Variants in FBXL13 observed in about 807,000 individuals in gnomAD.
FBXL13 encodes F-box and leucine rich repeat protein 13, also known as F-box and leucine-rich repeat protein 13.
Under a neutral mutation model 83.6 loss-of-function variants are expected in FBXL13, and 67 were observed. The observed-to-expected ratio is 0.80, with a 90% confidence interval of 0.66 to 0.98. FBXL13 has a LOEUF of 0.98. Among genes scored for constraint, FBXL13 ranks in the 50% least tolerant of loss-of-function variants. FBXL13 has a pLI of 0.00. For synonymous variants in FBXL13, 272 were observed against 299.5 expected (o/e 0.91, Z 0.95); for missense variants, 822 against 866.5 (o/e 0.95, Z 0.64).
chr7:102,960,867 C>A (rs1246905962), intron 8 of FBXL13, among the ~76,000 whole-genome samples: 1 of 151,922 alleles, frequency 6.6e-6, no homozygotes, highest in Admixed American at 6.6e-5. Flanking sequence ...GACAAACCCA[C>A]AGCCAATATC....
At chr7:102,976,438 G>C (rs970197504) in intron 6 of FBXL13, among the ~76,000 whole-genome samples, 6 of 151,726 alleles carry the variant, frequency 4.0e-5, no homozygotes, top group African/African-American at 1.5e-4. Flanking sequence ...GCCCAACTCC[G>C]CTCCAAGGCA....
At chr7:102,974,195 C>A (rs1827148208) in intron 6 of FBXL13, among the ~76,000 whole-genome samples, 3 of 152,130 alleles carry the variant, frequency 2.0e-5, no homozygotes, top group African/African-American at 7.2e-5. Context: ...TCAAGACTAT[C>A]CTGGCTAACA....
intron 6 of FBXL13, among the ~76,000 whole-genome samples, chr7:103,015,517 G>A (rs925822378): frequency 2.4e-4 from 36 of 152,142 alleles, no homozygotes; most frequent in African/African-American, 8.0e-4. Context: ...CACTGTACTA[G>A]CTGTGCACAG....
chr7:103,069,821 G>T (rs1324622591), intron 1 of FBXL13, among the ~76,000 whole-genome samples: 1 of 152,238 alleles, frequency 6.6e-6, no homozygotes, highest in Non-Finnish European at 1.5e-5. Flanking sequence ...GCCCACGCCT[G>T]TAATCCCAGC....
At chr7:102,980,923 C>CTT (rs10650430) in intron 6 of FBXL13, among the ~76,000 whole-genome samples, 151,527 of 152,324 alleles carry the variant, frequency 0.99, 75,375 homozygotes, top group Middle Eastern at 1. Flanking sequence ...AAATGAAAAC[C>CTT]TTGTGTGTCA....
chr7:103,047,108 T>C (rs1796355406), intron 2 of FBXL13: 1 of 152,204 alleles, frequency 6.6e-6, no homozygotes, highest in Non-Finnish European at 1.5e-5. Context: ...TTTATAAATG[T>C]TTAAATGACC....
chr7:102,826,212 C>A (rs1479373086), intron 18 of FBXL13, among the ~76,000 whole-genome samples: 21 of 151,998 alleles, frequency 1.4e-4, no homozygotes, highest in Admixed American at 1.4e-3. Flanking sequence ...TGGTGACGAT[C>A]CCAAGAAAAA....
At chr7:103,043,559 C>T (rs149516323) in intron 2 of FBXL13, among the ~76,000 whole-genome samples, 10 of 152,290 alleles carry the variant, frequency 6.6e-5, no homozygotes, top group East Asian at 1.9e-4. Context: ...TCGCCGAGGC[C>T]GGAGTCTAAT....
intron 2 of FBXL13, among the ~76,000 whole-genome samples, chr7:103,045,520 T>C (rs545494293): frequency 5.3e-5 from 8 of 152,314 alleles, no homozygotes; most frequent in South Asian, 4.1e-4. Context: ...CAGTAGAACA[T>C]TGAGTTTTGC....
chr7:102,951,581 G>A (rs1042134704), intron 8 of FBXL13, among the ~76,000 whole-genome samples: 31 of 151,826 alleles, frequency 2.0e-4, no homozygotes, highest in African/African-American at 6.8e-4. Flanking sequence ...GCTGAGGCAG[G>A]AGGATCACTT....
At chr7:103,060,041 T>C (rs1366509195) in intron 1 of FBXL13, among the ~76,000 whole-genome samples, 69 of 96,810 alleles carry the variant, frequency 7.1e-4, no homozygotes, top group African/African-American at 2.7e-3. Flanking sequence ...TATATATATA[T>C]ATATATATAT....
rs941412198 is a variant in FBXL13, at chr7:103,046,610, C to A, written c.-1+9034G>T. 5.3e-5 allele frequency among the ~76,000 whole-genome samples: 8 copies of A among 152,242 alleles called. No homozygotes were observed. In the South Asian group the frequency reaches 8.3e-4, roughly 16 times the overall value. On this transcript the variant is annotated intron_variant, in intron 2 of 19. Transcript: ENST00000313221. ...TATAAGGCTGGTGCAAAATCCTTCA[C>A]GAATAAAAGTATACCCTATAAGTGC...
intron 8 of FBXL13, among the ~76,000 whole-genome samples, chr7:102,946,655 TTTA>T (rs1323572865): frequency 3.1e-3 from 18 of 5,834 alleles, no homozygotes; most frequent in Non-Finnish European, 0.013. Context: ...TTTTATTTTA[TTTA>T]TTTATTTATT....
intron 1 of FBXL13, among the ~76,000 whole-genome samples, chr7:103,060,429 A>T (rs1017965828): frequency 2.0e-5 from 3 of 152,170 alleles, no homozygotes; most frequent in Non-Finnish European, 4.4e-5. Context: ...AGAGAAAATA[A>T]ATTGAAAATA....
At chr7:102,883,339 G>C (rs752679866) in exon 14 of FBXL13, 2 of 1,613,022 alleles carry the variant, frequency 1.2e-6, no homozygotes, top group South Asian at 2.2e-5. Context: ...ACAGTCAGTT[G>C]CTTCAAAGGT....
At chr7:102,899,368 AAAC>A (rs1174127562) in intron 11 of FBXL13, among the ~76,000 whole-genome samples, 1 of 152,216 alleles carries the variant, frequency 6.6e-6, no homozygotes, top group African/African-American at 2.4e-5. Flanking sequence ...AAGTCCAGTT[AAAC>A]AACATATCAT....
chr7:102,929,428 G>A (rs895664100), intron 9 of FBXL13, among the ~76,000 whole-genome samples: 2 of 152,066 alleles, frequency 1.3e-5, no homozygotes, highest in African/African-American at 2.4e-5. Context: ...TTGGGAGGCC[G>A]AGGCGGGTGG....
chr7:102,965,511 A>G (rs1487848796), intron 7 of FBXL13, among the ~76,000 whole-genome samples: 1 of 152,236 alleles, frequency 6.6e-6, no homozygotes, highest in African/African-American at 2.4e-5. Flanking sequence ...ATAAATTTTA[A>G]AAAGCATGGA....
At chr7:103,025,867 G>A (rs991132073) in intron 5 of FBXL13, among the ~76,000 whole-genome samples, 1 of 151,628 alleles carries the variant, frequency 6.6e-6, no homozygotes. Flanking sequence ...GGTGTTCCCT[G>A]CCTCTGCTCC....
Sources: allele counts gnomAD v4.1 joint callset (sites outside exome capture counted in the v4.1 genomes callset), GRCh38; gene constraint gnomAD v4.1.1; transcripts MANE v1.5; gene names NCBI Gene and HGNC (gene_info 2026-07-23, HGNC 2026-07-21).